Variants in AHSA1 observed in about 807,000 individuals in gnomAD.
The protein encoded by AHSA1 is activator of HSP90 ATPase activity 1, also known as activator of 90 kDa heat shock protein ATPase homolog 1.
AHSA1 carries 14 observed loss-of-function variants against 46.1 expected under a neutral mutation model. The observed-to-expected ratio is 0.30, with a 90% confidence interval of 0.20 to 0.47. The LOEUF is 0.47. Among genes scored for constraint, AHSA1 ranks in the 20% least tolerant of loss-of-function variants. The pLI is 0.99. For missense variants in AHSA1, 333 were observed against 415.9 expected, an observed-to-expected ratio of 0.80 and a Z score of 1.73; for synonymous variants, 147 against 145.8, an observed-to-expected ratio of 1.01 and a Z score of -0.06.
At chr14:77,467,771 G>A (rs570146849) in intron 6 of AHSA1, among the ~76,000 whole-genome samples, 2 of 152,308 alleles carry the variant, frequency 1.3e-5, no homozygotes, top group African/African-American at 4.8e-5. Flanking sequence ...GATAATAGAA[G>A]TCTCAAACAT....
intron 2 of AHSA1, among the ~76,000 whole-genome samples, chr14:77,461,197 G>A (rs555868965): frequency 6.6e-6 from 1 of 151,792 alleles, no homozygotes; most frequent in East Asian, 1.9e-4. Flanking sequence ...CAATAAATAT[G>A]GTGCTTTACC....
At chr14:77,462,781 A>C in intron 4 of AHSA1, 22 bp downstream of exon 4, 1 of 1,598,662 alleles carries the variant, frequency 6.3e-7, no homozygotes, top group Non-Finnish European at 8.6e-7. Flanking sequence ...GTAGTTCTGT[A>C]TGCCTTAAGG....
In AHSA1 at chr14:77,462,287, A is replaced by C. The variant is rs772643354; in HGVS notation, c.354+45A>C. The C allele has an allele frequency of 1.3e-5, 20 of 1,545,468 alleles. No homozygotes were observed. In the East Asian group the frequency reaches 4.5e-4, roughly 35 times the overall value. ...TAATCCGAGTCCTCTATATCCTCTTATTCTCAGATGAGAAAAGTGACCTGT... is the reference window on the plus strand; with the variant it reads ...TAATCCGAGTCCTCTATATCCTCTTCTTCTCAGATGAGAAAAGTGACCTGT... On this transcript the variant is annotated intron_variant, in intron 3 of 8. Transcript: ENST00000216479.
At chr14:77,468,321 G>T in intron 7 of AHSA1, 136 bp from the exon 8 acceptor site, 1 of 1,149,816 alleles carries the variant, frequency 8.7e-7, no homozygotes, top group Non-Finnish European at 1.3e-6. Context: ...TCAAAAAAAG[G>T]CTGTGATTTG....
intron 6 of AHSA1, among the ~76,000 whole-genome samples, chr14:77,467,747 A>G (rs111511322): frequency 1.3e-5 from 2 of 152,228 alleles, no homozygotes; most frequent in African/African-American, 4.8e-5. Flanking sequence ...ATTTTGGGAC[A>G]TGTTCTCAGA....
At chr14:77,465,457 A>T in intron 5 of AHSA1, 82 bp from the exon 6 acceptor site, 1 of 1,462,820 alleles carries the variant, frequency 6.8e-7, no homozygotes, top group Non-Finnish European at 9.3e-7. Context: ...ATGAGAATGA[A>T]TGGTACAACT....
At chr14:77,462,351 A>T in intron 3 of AHSA1, 109 bp downstream of exon 3, 1 of 1,097,618 alleles carries the variant, frequency 9.1e-7, no homozygotes, top group Non-Finnish European at 1.3e-6. Flanking sequence ...CCAAGCATTC[A>T]GAACCCTAGC....
Position 77,468,074 on chromosome 14 carries a change from T to TTA in AHSA1, c.691-9_691-8insTA. 2.6e-5 allele frequency: 34 copies of TTA among 1,302,970 alleles called. No individual in the cohort carries two copies. Among genetic ancestry groups the TTA allele is most frequent in the Non-Finnish European group, 3.0e-5 (29 of 968,874 alleles). 80.7% of individuals were successfully genotyped at this position (1,302,970 alleles called of 1,614,324 possible). On this transcript the variant is annotated splice_polypyrimidine_tract_variant and intron_variant, in intron 6 of 8. Coordinates refer to ENST00000216479, the MANE Select transcript of AHSA1 (RefSeq NM_012111.3). ...CTCTTTTTTTTTTTTTTTTTTTTTTTCCCTGCAGCTGGTGCAGGCCTTTAC... is the reference window on the plus strand; with the variant it reads ...CTCTTTTTTTTTTTTTTTTTTTTTTTTACCCTGCAGCTGGTGCAGGCCTTTAC...
intron 5 of AHSA1, 125 bp from the exon 6 acceptor site, chr14:77,465,414 T>G: frequency 8.9e-7 from 1 of 1,123,498 alleles, no homozygotes; most frequent in Non-Finnish European, 1.2e-6. Flanking sequence ...TTCAAACCCC[T>G]TGGAATAATT....
intron 8 of AHSA1, chr14:77,468,742 T>C (rs2079059863): frequency 4.6e-5 from 21 of 452,260 alleles, no homozygotes; most frequent in South Asian, 2.3e-4. Context: ...TTTTTTTTTT[T>C]TTTACTTTTT....
chr14:77,469,106 A>T lies in AHSA1; in HGVS notation c.874A>T (p.Ile292Phe), dbSNP rs1245591792. The T allele has an allele frequency of 1.9e-6, 3 of 1,613,978 alleles. No individual in the cohort carries two copies. Among genetic ancestry groups the T allele is most frequent in the Non-Finnish European group, 2.5e-6 (3 of 1,180,012 alleles). ...CTTTGCCACCATCACCTTGACCTTC[A>T]TCGACAAGAACGGAGAGACTGAGCT... ...GHFATITLTF[I>F]DKNGETELCM... The change falls in exon 9 of 9, where the codon ATC (isoleucine) becomes TTC (phenylalanine). Residue 292 changes from isoleucine (I) to phenylalanine (F), a missense_variant. Coordinates refer to ENST00000216479, the MANE Select transcript of AHSA1 (RefSeq NM_012111.3).
chr14:77,457,896 T>A, upstream of AHSA1: 1 of 490,888 alleles, frequency 2.0e-6, no homozygotes. Flanking sequence ...GGGTGAGGAA[T>A]GGTTGTATGA....
At position 77,464,696 on chromosome 14, in the gene AHSA1, T is replaced by C. The variant is rs1308087942; in HGVS notation, c.561+10T>C. The C allele has an allele frequency of 3.7e-6, 6 of 1,610,980 alleles. No individual in the cohort carries two copies. The South Asian group carries it at 6.6e-5, about 18-fold the overall frequency. Reference sequence around the variant, plus strand: ...AACTGAGGAGCGCAAGGTAAATGGTTTTCCTGGGGTGGGAGACTGTCTGCA... The same window carrying C: ...AACTGAGGAGCGCAAGGTAAATGGTCTTCCTGGGGTGGGAGACTGTCTGCA... On this transcript the variant is annotated intron_variant, in intron 5 of 8. Transcript: ENST00000216479.
chr14:77,464,807 T>C (rs2079041061), intron 5 of AHSA1, 121 bp downstream of exon 5: 1 of 801,020 alleles, frequency 1.2e-6, no homozygotes, highest in Non-Finnish European at 2.0e-6. Flanking sequence ...TGCGATCTGC[T>C]CATGGTGCTT....
In AHSA1 at chr14:77,469,325, G is replaced by A. The variant is rs1056247015; in HGVS notation, c.*76G>A. 37 of 1,543,538 alleles carry A rather than the reference G, an allele frequency of 2.4e-5. No homozygotes were observed. The South Asian group carries it at 2.4e-4, about 10-fold the overall frequency. ...CCTGACTGGGGCTTGCGACTCACAG[G>A]ATTGCATCGTCCCAGCTGCTAACTT... On this transcript the variant is annotated 3_prime_UTR_variant, in exon 9 of 9. Transcript: ENST00000216479.
At chr14:77,458,779 A>C (rs913838207) in intron 1 of AHSA1, among the ~76,000 whole-genome samples, 1 of 152,134 alleles carries the variant, frequency 6.6e-6, no homozygotes, top group Admixed American at 6.5e-5. Flanking sequence ...GCGGCCTCTC[A>C]CCCGGAACTA....
rs756975838 is a variant in AHSA1 at position 77,468,135 on chromosome 14, G to A, written c.743G>A (p.Gly248Glu). The A allele has an allele frequency of 1.9e-6, 3 of 1,565,924 alleles. No homozygotes were observed. Among genetic ancestry groups the A allele is most frequent in the South Asian group, 2.3e-5 (2 of 85,166 alleles). ...APATLEADRG[G>E]KFHMVDGNVS... ...GCAACATTAGAAGCAGACAGAGGTGGAAAGTTCCACATGGTAGATGGCAAC... is the reference window on the plus strand; with the variant it reads ...GCAACATTAGAAGCAGACAGAGGTGAAAAGTTCCACATGGTAGATGGCAAC... The change falls in exon 7 of 9, where the codon GGA becomes GAA. Residue 248 changes from glycine (G) to glutamate (E), a missense_variant. Physicochemically the swap from Gly to Glu is moderately conservative, Grantham distance 98. Transcript: ENST00000216479.
At chr14:77,468,731 TTTTTTTTTTTTTTTACTTTTTTAC>T in intron 8 of AHSA1, 3 of 495,328 alleles carry the variant, frequency 6.1e-6, no homozygotes, top group Admixed American at 4.1e-5. Context: ...CTTTTTTTTT[TTTTTTTTTTTTTTTACTTTTTTAC>T]TTTTTTTGTA....
intron 2 of AHSA1, among the ~76,000 whole-genome samples, chr14:77,460,549 C>T (rs1407971566): frequency 2.1e-5 from 3 of 143,146 alleles, no homozygotes; most frequent in African/African-American, 5.2e-5. Flanking sequence ...AAGGAATCTT[C>T]GGTGTCATCT....
Sources: allele counts gnomAD v4.1 joint callset (sites outside exome capture counted in the v4.1 genomes callset), GRCh38; gene constraint gnomAD v4.1.1; transcripts MANE v1.5; gene names NCBI Gene and HGNC (gene_info 2026-07-23, HGNC 2026-07-21).